Variants in PRPH2 observed in about 807,000 individuals in gnomAD.
PRPH2 encodes the protein peripherin 2.
PRPH2 carries 17 observed loss-of-function variants against 31.3 expected under a neutral mutation model. That is an observed-to-expected ratio of 0.54 (90% confidence interval 0.37 to 0.81). The LOEUF (loss-of-function observed/expected upper bound fraction) is 0.81. Among genes scored for constraint, PRPH2 ranks in the 40% least tolerant of loss-of-function variants. The probability of loss-of-function intolerance (pLI) is 0.00; values close to 1 mark genes in which losing one functional copy is unlikely to be tolerated. For synonymous variants in PRPH2, 165 were observed against 184.4 expected (o/e 0.89, Z 0.85); for missense variants, 430 against 439.7 (o/e 0.98, Z 0.20).
At chr6:42,712,518 G>A (rs1761686332) in intron 1 of PRPH2, among the ~76,000 whole-genome samples, 2 of 152,134 alleles carry the variant, frequency 1.3e-5, no homozygotes. Flanking sequence ...ATATTCAGAA[G>A]GGGAAAATGT....
chr6:42,696,782 A>G lies in PRPH2; in HGVS notation c.*1513T>C, dbSNP rs958259308. ...CAGTATGGATCATTCCTTGGCCTCA[A>G]CGAGATTCAGAAATCTAATTAAACT... On this transcript the variant is annotated 3_prime_UTR_variant, in exon 3 of 3. Transcript: ENST00000230381. 2.0e-5 allele frequency: 3 copies of G among 151,982 alleles called. No homozygotes were observed. Among genetic ancestry groups the G allele is most frequent in the African/African-American group, 7.3e-5 (3 of 41,378 alleles). 9.4% of individuals were successfully genotyped at this position (151,982 alleles called of 1,614,324 possible).
intron 2 of PRPH2, among the ~76,000 whole-genome samples, chr6:42,702,465 C>T (rs1800063665): frequency 6.6e-6 from 1 of 151,406 alleles, no homozygotes; most frequent in Non-Finnish European, 1.5e-5. Flanking sequence ...ATTTTCTGCT[C>T]TCAAGGTAGC....
chr6:42,703,208 T>A (rs934481185), intron 2 of PRPH2, among the ~76,000 whole-genome samples: 12 of 152,020 alleles, frequency 7.9e-5, no homozygotes, highest in African/African-American at 2.2e-4. Flanking sequence ...CTAAAAAAAA[T>A]AATAATAAAC....
intron 1 of PRPH2, among the ~76,000 whole-genome samples, chr6:42,707,436 G>T (rs1800189327): frequency 6.6e-6 from 1 of 152,070 alleles, no homozygotes; most frequent in African/African-American, 2.4e-5. Context: ...GGGTGATCTT[G>T]CCAGATACCT....
At chr6:42,712,871 C>T (rs1761693310) in intron 1 of PRPH2, among the ~76,000 whole-genome samples, 1 of 151,994 alleles carries the variant, frequency 6.6e-6, no homozygotes. Context: ...TTTGTGAAAG[C>T]TTGAGTTTTT....
Position 42,698,004 on chromosome 6 carries a change from G to T in PRPH2, c.*291C>A. The T allele has an allele frequency of 2.2e-6, 1 of 450,750 alleles. No individual in the cohort carries two copies. The highest frequency in any genetic ancestry group is 6.4e-4 in the Middle Eastern group (1 of 1,558). The allele number at this position is 450,750 out of a possible 1,614,324, so 27.9% of individuals were successfully genotyped here. On this transcript the variant is annotated 3_prime_UTR_variant, in exon 3 of 3. Transcript: ENST00000230381. The stretch of plus-strand genomic sequence containing the variant: ...GAGAAAGATGGGTCCTGGGCTAGTC[G>T]TCTGAGACAGCCCCCGAGTCACCAG...
At chr6:42,710,544 G>A (rs1376232770) in intron 1 of PRPH2, among the ~76,000 whole-genome samples, 2 of 152,258 alleles carry the variant, frequency 1.3e-5, no homozygotes, top group Admixed American at 1.3e-4. Context: ...TTAAGACAAA[G>A]CCAGGCAGAG....
intron 1 of PRPH2, among the ~76,000 whole-genome samples, chr6:42,719,177 T>C (rs1761847527): frequency 6.6e-6 from 1 of 151,898 alleles, no homozygotes; most frequent in Non-Finnish European, 1.5e-5. Flanking sequence ...CTTTTTTTTT[T>C]TTTTTCTTTG....
chr6:42,710,396 G>A (rs926778696), intron 1 of PRPH2, among the ~76,000 whole-genome samples: 3 of 152,164 alleles, frequency 2.0e-5, no homozygotes, highest in Non-Finnish European at 2.9e-5. Flanking sequence ...GTGAACGTTG[G>A]GACCTGCCTG....
intron 2 of PRPH2, among the ~76,000 whole-genome samples, chr6:42,699,258 G>T (rs542493920): frequency 1.3e-5 from 2 of 151,966 alleles, no homozygotes; most frequent in South Asian, 4.2e-4. Context: ...TAGATATGTG[G>T]TTTCCCCATG....
chr6:42,709,334 T>TAAA (rs58632063), intron 1 of PRPH2, among the ~76,000 whole-genome samples: 8 of 77,042 alleles, frequency 1.0e-4, no homozygotes, highest in South Asian at 4.6e-4. Flanking sequence ...TGTCTCAAAT[T>TAAA]AAAAAAAAAA....
chr6:42,720,405 C>G (rs1332574295), intron 1 of PRPH2, among the ~76,000 whole-genome samples: 2 of 152,088 alleles, frequency 1.3e-5, no homozygotes, highest in African/African-American at 4.8e-5. Flanking sequence ...GGCTTCATGC[C>G]CTCCTCGGGA....
chr6:42,718,858 T>C (rs1292812387), intron 1 of PRPH2, among the ~76,000 whole-genome samples: 2 of 151,756 alleles, frequency 1.3e-5, no homozygotes, highest in Non-Finnish European at 2.9e-5. Context: ...AGAGTCAGGG[T>C]TTCATCATGT....
Position 42,698,299 on chromosome 6 carries a change from C to A in PRPH2, c.1037G>T (p.Gly346Val), listed in dbSNP as rs1799983539. The change falls in exon 3 of 3, where the codon GGC becomes GTC. Residue 346 changes from glycine (G) to valine (V), a missense_variant. Transcript: ENST00000230381. ...AGGGGAGGGGCCCCAGGGCCCTCAG[C>A]CAGCCTCTGGGGCCTGGCCTGCGTC... ...GADAGQAPEA[G>V] The A allele has an allele frequency of 6.2e-7, 1 of 1,613,898 alleles. No homozygotes were observed. Among genetic ancestry groups the A allele is most frequent in the Non-Finnish European group, 8.5e-7 (1 of 1,179,944 alleles).
In PRPH2 at chr6:42,721,960, C is replaced by A; in HGVS notation, c.375G>T (p.Ser125=). The change falls in exon 1 of 3, where the codon TCG becomes TCT. Residue 125 remains serine (S), a synonymous_variant. Coordinates refer to ENST00000230381, the MANE Select transcript of PRPH2 (RefSeq NM_000322.5). ...VALCCFLLRG[S]LENTLGQGLK... is the part of the protein sequence containing the mutation. ...GCCCTTGGCCCAGGGTGTTCTCCAG[C>A]GAGCCCCGAAGCAGAAAGCAGCAGA... 6.2e-7 allele frequency: 1 copy of A among 1,614,106 alleles called. No individual in the cohort carries two copies. The highest frequency in any genetic ancestry group is 8.5e-7 in the Non-Finnish European group (1 of 1,180,024).
chr6:42,719,667 T>C (rs1218293818), intron 1 of PRPH2, among the ~76,000 whole-genome samples: 1 of 149,624 alleles, frequency 6.7e-6, no homozygotes, highest in African/African-American at 2.5e-5. Flanking sequence ...GCCTCCCTGG[T>C]TCAAGCGTTC....
At chr6:42,704,320 C>G in intron 2 of PRPH2, 45 bp downstream of exon 2, 1 of 1,588,720 alleles carries the variant, frequency 6.3e-7, no homozygotes, top group Non-Finnish European at 8.6e-7. Flanking sequence ...CAAATGGGAC[C>G]GGAGGCTCTC....
At chr6:42,710,627 G>C (rs567107031) in intron 1 of PRPH2, among the ~76,000 whole-genome samples, 6 of 152,302 alleles carry the variant, frequency 3.9e-5, no homozygotes, top group East Asian at 3.9e-4. Context: ...CACTCTGCGC[G>C]GAAGGGGCCG....
intron 1 of PRPH2, among the ~76,000 whole-genome samples, chr6:42,716,918 C>A (rs991854006): frequency 4.4e-5 from 6 of 136,116 alleles, no homozygotes; most frequent in Non-Finnish European, 6.4e-5. Flanking sequence ...CCTCACCGGG[C>A]CTTTTTTCTT....
Sources: allele counts gnomAD v4.1 joint callset (sites outside exome capture counted in the v4.1 genomes callset), GRCh38; gene constraint gnomAD v4.1.1; transcripts MANE v1.5; gene names NCBI Gene and HGNC (gene_info 2026-07-23, HGNC 2026-07-21).